MKKS: variants seen among roughly 807,000 people sequenced by gnomAD.
MKKS encodes molecular chaperone MKKS.
A neutral mutation model predicts 33.2 loss-of-function variants in MKKS; 29 were observed. The ratio of observed to expected loss-of-function variants is 0.87; its 90% CI spans 0.65 to 1.19. The LOEUF is 1.19. Ranked by LOEUF, MKKS falls within the 50% of genes most tolerant of loss-of-function variation. MKKS has a pLI of 0.00. For synonymous variants in MKKS, 260 were observed against 244.0 expected (o/e 1.07, Z -0.61); for missense variants, 661 against 662.3 (o/e 1.00, Z 0.02).
At chr20:10,407,024 G>A (rs979755229) in intron 5 of MKKS, among the ~76,000 whole-genome samples, 2 of 152,128 alleles carry the variant, frequency 1.3e-5, no homozygotes, top group South Asian at 4.1e-4. Context: ...AAACTTATCT[G>A]AGAGCTGTCA....
chr20:10,408,435 A>C (rs1362336724), intron 4 of MKKS, among the ~76,000 whole-genome samples, 193 bp downstream of exon 4: 2 of 152,246 alleles, frequency 1.3e-5, no homozygotes, highest in Non-Finnish European at 2.9e-5. Flanking sequence ...AGAAATAATA[A>C]ATGGCAACAC....
Position 10,405,661 on chromosome 20 carries a change from G to A in MKKS, c.1299C>T (p.Leu433=), listed in dbSNP as rs1230480736. ...HKTHNDPESI[L]KDDECTQTEL... ...CTGTTTGAGTACATTCATCATCTTT[G>A]AGAATGCTTTCTGGGTCGTTGTGAG... The change falls in exon 6 of 6, where the codon CTC becomes CTT. Residue 433 remains leucine, a synonymous_variant. Transcript: ENST00000347364. 8.7e-6 allele frequency: 14 copies of A among 1,613,982 alleles called. 1 individual carries two copies. The highest frequency in any genetic ancestry group is 3.3e-5 in the South Asian group (3 of 91,074).
chr20:10,409,469 A>G (rs1024996818), intron 3 of MKKS, among the ~76,000 whole-genome samples: 5 of 152,216 alleles, frequency 3.3e-5, no homozygotes, highest in Non-Finnish European at 4.4e-5. Context: ...AAATATGAAT[A>G]AAGAAGTTAG....
chr20:10,432,437 G>A (rs2065059712), intron 1 of MKKS, among the ~76,000 whole-genome samples: 1 of 152,066 alleles, frequency 6.6e-6, no homozygotes, highest in Non-Finnish European at 1.5e-5. Flanking sequence ...CAGTATTTGG[G>A]GGATTGCATC....
chr20:10,410,956 C>T (rs2064880357), intron 3 of MKKS, among the ~76,000 whole-genome samples: 1 of 151,764 alleles, frequency 6.6e-6, no homozygotes, highest in East Asian at 1.9e-4. Context: ...GGAAACCCAG[C>T]CCCCAGTTAC....
chr20:10,413,891 T>C lies in MKKS; in HGVS notation c.-377A>G. 4.7e-6 allele frequency: 2 copies of C among 422,556 alleles called. No homozygotes were observed. The highest frequency in any genetic ancestry group is 8.4e-6 in the Non-Finnish European group (2 of 239,328). 26.2% of individuals were successfully genotyped at this position (422,556 alleles called of 1,614,324 possible). A position where few individuals can be genotyped will look rare whatever the true frequency, so the allele number is the denominator to read the frequency against. ...TAATCCAACTGGTATTTTTCATCTCTTCTTTCGATATGAAGCTCAGATTCA... is the reference window on the plus strand; with the variant it reads ...TAATCCAACTGGTATTTTTCATCTCCTCTTTCGATATGAAGCTCAGATTCA... On this transcript the variant is annotated 5_prime_UTR_variant, in exon 3 of 6. Coordinates refer to ENST00000347364, the MANE Select transcript of MKKS (RefSeq NM_170784.3).
intron 3 of MKKS, 128 bp from the exon 4 acceptor site, chr20:10,408,931 GGATA>G: frequency 1.5e-6 from 1 of 673,270 alleles, no homozygotes; most frequent in Non-Finnish European, 2.5e-6. Flanking sequence ...ATGAAATACA[GGATA>G]AATAAGATGA....
intron 1 of MKKS, among the ~76,000 whole-genome samples, chr20:10,428,929 CTG>C (rs1283503102): frequency 1.3e-5 from 2 of 152,202 alleles, no homozygotes; most frequent in Non-Finnish European, 2.9e-5. Context: ...CCACTTTCTA[CTG>C]TGTCTTTGGG....
At chr20:10,410,420 C>G (rs2064874881) in intron 3 of MKKS, among the ~76,000 whole-genome samples, 1 of 152,004 alleles carries the variant, frequency 6.6e-6, no homozygotes, top group African/African-American at 2.4e-5. Flanking sequence ...CACCTGAGCT[C>G]AGGAGTTCAG....
chr20:10,428,422 G>C (rs186701115), intron 1 of MKKS, among the ~76,000 whole-genome samples: 3 of 152,198 alleles, frequency 2.0e-5, no homozygotes, highest in African/African-American at 4.8e-5. Context: ...TCATTTTCAA[G>C]ATTTTAATTG....
Position 10,408,621 on chromosome 20 carries a change from T to C in MKKS, c.1161+7A>G, listed in dbSNP as rs1375956816. On this transcript the variant is annotated splice_region_variant and intron_variant, in intron 4 of 5. Coordinates refer to ENST00000347364, the MANE Select transcript of MKKS (RefSeq NM_170784.3). ...TCTGCATATGGAATTCAAAGTTCAT[T>C]ACCTACCTTCAGCTCATCCCAGGCA... 1.2e-6 allele frequency: 2 copies of C among 1,613,818 alleles called. No homozygotes were observed. The highest frequency in any genetic ancestry group is 1.3e-5 in the African/African-American group (1 of 75,048).
In MKKS at chr20:10,404,374, T is replaced by C. The variant is rs970626486; in HGVS notation, c.*873A>G. The C allele has an allele frequency of 4.6e-5, 7 of 151,620 alleles. No homozygotes were observed. The highest frequency in any genetic ancestry group is 1.7e-4 in the African/African-American group (7 of 41,226). The allele number at this position is 151,620 out of a possible 1,614,324, so 9.4% of individuals were successfully genotyped here. Reference sequence around the variant, plus strand: ...TTGCTCTTCGGGGGACATTTGGCAATGTCTGGAAACATTTTTGGTTGTCAC... The same window carrying C: ...TTGCTCTTCGGGGGACATTTGGCAACGTCTGGAAACATTTTTGGTTGTCAC... On this transcript the variant is annotated 3_prime_UTR_variant, in exon 6 of 6. Transcript: ENST00000347364.
chr20:10,426,488 A>G (rs6133928), intron 1 of MKKS, among the ~76,000 whole-genome samples: 21,757 of 151,890 alleles, frequency 0.14, 1,744 homozygotes, highest in East Asian at 0.24. Context: ...TCACCTCCGC[A>G]TGCCAGATTT....
At chr20:10,408,857 A>C in intron 3 of MKKS, 54 bp from the exon 4 acceptor site, 4 of 1,382,118 alleles carry the variant, frequency 2.9e-6, no homozygotes, top group East Asian at 2.3e-5. Flanking sequence ...TGGAGCAAAC[A>C]ACCATTTAAA....
Position 10,413,114 on chromosome 20 carries a change from T to A in MKKS, c.401A>T (p.Glu134Val). The A allele has an allele frequency of 1.2e-6, 2 of 1,614,064 alleles. No homozygotes were observed. The highest frequency in any genetic ancestry group is 1.7e-6 in the Non-Finnish European group (2 of 1,180,026). Residue 134 changes from glutamate to valine, a missense_variant, in exon 3 of 6, where the codon GAG becomes GTG. Glu to Val is a moderately radical substitution (Grantham distance 121). Transcript: ENST00000347364. The part of the protein sequence containing the change: ...LSLCISYLKS[E>V]TCGCRIPVDF... Reference sequence around the variant, plus strand: ...CACTGGGATTCGACAACCACAGGTCTCAGACTTGAGATAACTGATGCAAAG... The same window carrying A: ...CACTGGGATTCGACAACCACAGGTCACAGACTTGAGATAACTGATGCAAAG...
chr20:10,425,897 A>T (rs1226698247), intron 1 of MKKS, among the ~76,000 whole-genome samples: 1 of 152,186 alleles, frequency 6.6e-6, no homozygotes, highest in East Asian at 1.9e-4. Flanking sequence ...AGACTCCTTT[A>T]GAAGGATAGA....
In MKKS at chr20:10,413,272, T is replaced by C. The variant is rs767034154; in HGVS notation, c.243A>G (p.Ile81Met). Reference sequence around the variant, plus strand: ...CACTGAAGCTTGACACATGATTCTGTATGGAGGCTGTCAGGATCTTTAAAA... The same window carrying C: ...CACTGAAGCTTGACACATGATTCTGCATGGAGGCTGTCAGGATCTTTAAAA... ...HPILKILTAS[I>M]QNHVSSFSDC... Residue 81 changes from isoleucine to methionine, a missense_variant, in exon 3 of 6, where the codon ATA (isoleucine) becomes ATG (methionine). Coordinates refer to ENST00000347364, the MANE Select transcript of MKKS (RefSeq NM_170784.3). The C allele has an allele frequency of 4.3e-6, 7 of 1,614,110 alleles. No individual in the cohort carries two copies. The South Asian group carries it at 5.5e-5, about 13-fold the overall frequency.
intron 4 of MKKS, 56 bp downstream of exon 4, chr20:10,408,572 G>A (rs1408108411): frequency 1.3e-6 from 2 of 1,556,368 alleles, no homozygotes; most frequent in Non-Finnish European, 1.8e-6. Context: ...AATAACTATT[G>A]AGTGACTAAT....
intron 1 of MKKS, among the ~76,000 whole-genome samples, chr20:10,432,725 G>A (rs1287435330): frequency 1.4e-5 from 2 of 147,846 alleles, no homozygotes; most frequent in African/African-American, 4.9e-5. Context: ...GAACCCGGGA[G>A]GCGGAGGTTG....
Sources: gnomAD v4.1 joint callset for allele counts (sites outside exome capture counted in the v4.1 genomes callset) on GRCh38, gnomAD v4.1.1 for gene constraint, MANE v1.5 for transcripts, NCBI Gene and HGNC (gene_info 2026-07-23, HGNC 2026-07-21) for gene names.